The following RYR1 variants were observed in gnomAD, a reference collection of about 807,000 sequenced individuals.
RYR1 encodes the protein ryanodine receptor 1.
Under a neutral mutation model 583.5 loss-of-function variants are expected in RYR1, and 342 were observed. The observed-to-expected ratio is 0.59, with a 90% CI of 0.54 to 0.64. The LOEUF (loss-of-function observed/expected upper bound fraction) is 0.64. RYR1 is among the 30% of genes least tolerant of loss of function. The probability of loss-of-function intolerance (pLI) is 0.00; values close to 1 mark genes in which losing one functional copy is unlikely to be tolerated. For synonymous variants in RYR1, 2,791 were observed against 2,822.5 expected (o/e 0.99, Z 0.35); for missense variants, 6,032 against 6,917.2 (o/e 0.87, Z 4.54).
chr19:38,488,182 C>G (rs999897241), intron 34 of RYR1, among the ~76,000 whole-genome samples: 1 of 152,004 alleles, frequency 6.6e-6, no homozygotes, highest in African/African-American at 2.4e-5. Flanking sequence ...CATGGCTATT[C>G]ACTAATTTAT....
At chr19:38,501,339 A>G (rs1247469135) in intron 47 of RYR1, among the ~76,000 whole-genome samples, 1 of 152,140 alleles carries the variant, frequency 6.6e-6, no homozygotes, top group Non-Finnish European at 1.5e-5. Flanking sequence ...CTCTACTAAA[A>G]GTACAAAAAT....
At chr19:38,579,921 T>G in intron 99 of RYR1, 61 bp from the exon 100 acceptor site, 1 of 1,611,532 alleles carries the variant, frequency 6.2e-7, no homozygotes, top group Non-Finnish European at 8.5e-7. Flanking sequence ...GCCCCTACCC[T>G]CCAGAGTGCT....
At chr19:38,437,988 T>TAA (rs11452334) in intron 1 of RYR1, among the ~76,000 whole-genome samples, 125 of 140,012 alleles carry the variant, frequency 8.9e-4, no homozygotes, top group Middle Eastern at 3.5e-3. Flanking sequence ...CCCAGTCTCT[T>TAA]AAAAAAAAAA....
At chr19:38,504,537 T>C (rs1600843682) in intron 50 of RYR1, among the ~76,000 whole-genome samples, 177 bp downstream of exon 50, 1 of 151,772 alleles carries the variant, frequency 6.6e-6, no homozygotes. Flanking sequence ...AAAGAGGGGG[T>C]GGACCTCTAG....
rs1969140105 is a variant in RYR1, at chr19:38,483,818, G to A, written c.4934+302G>A. On this transcript the variant is annotated intron_variant, in intron 33 of 105. Coordinates refer to ENST00000359596, the MANE Select transcript of RYR1 (RefSeq NM_000540.3). This position sits in a 1 kb window ranked among gnomAD's most constrained non-coding sequence, Gnocchi z 6.3. ...CCACAGGGCCCCAAACCCATCTCAG[G>A]GAGCCAGACCCACATCAACACCCCA... 6.6e-6 allele frequency among the ~76,000 whole-genome samples: 1 copy of A among 151,820 alleles called. No individual in the cohort carries two copies. Among genetic ancestry groups the A allele is most frequent in the Non-Finnish European group, 1.5e-5 (1 of 67,922 alleles).
chr19:38,585,242 G>C lies in RYR1; in HGVS notation c.14803+143G>C, dbSNP rs1974421573. The stretch of plus-strand genomic sequence containing the variant: ...GAGACCTTGGGCAAGTCACCTCTCG[G>C]GGCCTCCGTTTCTCCATCTGCAAAA... On this transcript the variant is annotated intron_variant, in intron 102 of 105. Transcript: ENST00000359596. 9.1e-6 allele frequency: 9 copies of C among 984,772 alleles called. 1 individual carries two copies. The South Asian group carries it at 1.2e-4, about 14-fold the overall frequency. The allele number at this position is 984,772 out of a possible 1,614,324, so 61.0% of individuals were successfully genotyped here.
Position 38,543,287 on chromosome 19 carries a change from C to G in RYR1, c.11690-60C>G, listed in dbSNP as rs1002738669. On this transcript the variant is annotated intron_variant, in intron 84 of 105. Coordinates refer to ENST00000359596, the MANE Select transcript of RYR1 (RefSeq NM_000540.3). The surrounding 1 kb of genome is among the most constrained non-coding windows in gnomAD (Gnocchi z 4.4). Reference sequence around the variant, plus strand: ...GTATTGCATAAATGAATAAATGACCCACTGTTCATCTCCCCTAGCACATGG... The same window carrying G: ...GTATTGCATAAATGAATAAATGACCGACTGTTCATCTCCCCTAGCACATGG... 4 of 1,403,612 alleles carry G rather than the reference C, an allele frequency of 2.8e-6. No homozygotes were observed. The African/African-American group carries it at 5.7e-5, about 20-fold the overall frequency. The allele number at this position is 1,403,612 out of a possible 1,614,324, so 86.9% of individuals were successfully genotyped here.
rs1455863679 is a variant in RYR1, at chr19:38,485,702, G to A, written c.5047G>A (p.Ala1683Thr). 8 of 1,611,354 alleles carry A rather than the reference G, an allele frequency of 5.0e-6. No homozygotes were observed. The highest frequency in any genetic ancestry group is 5.9e-6 in the Non-Finnish European group (7 of 1,179,848). ...CALGNNRVAH[A>T]LCSHVDQAQL... ...CCTGGGCAACAATCGCGTGGCGCAC[G>A]CTCTGTGCAGCCACGTAGACCAAGC... The change falls in exon 34 of 106, where the codon GCT (alanine) becomes ACT (threonine). Residue 1683 changes from alanine to threonine, a missense_variant. Transcript: ENST00000359596.
chr19:38,448,310 G>C, intron 9 of RYR1, 45 bp from the exon 10 acceptor site: 1 of 1,591,960 alleles, frequency 6.3e-7, no homozygotes, highest in Non-Finnish European at 8.5e-7. Flanking sequence ...GTCCATGGGA[G>C]AACTGGGGGG....
chr19:38,525,607 T>G, intron 71 of RYR1, 105 bp downstream of exon 71: 2 of 1,256,944 alleles, frequency 1.6e-6, no homozygotes, highest in Non-Finnish European at 2.3e-6. Context: ...GCCCCCCAGG[T>G]CCCTGGGAGC....
At chr19:38,582,826 G>T (rs1484804470) in intron 101 of RYR1, among the ~76,000 whole-genome samples, 1 of 152,166 alleles carries the variant, frequency 6.6e-6, no homozygotes, top group Non-Finnish European at 1.5e-5. Flanking sequence ...AAGATGTCCT[G>T]CAGTCTGGCT....
In RYR1 at chr19:38,585,249, C is replaced by T. The variant is rs552259954; in HGVS notation, c.14803+150C>T. On this transcript the variant is annotated intron_variant, in intron 102 of 105. Coordinates refer to ENST00000359596, the MANE Select transcript of RYR1 (RefSeq NM_000540.3). ...TGGGCAAGTCACCTCTCGGGGCCTC[C>T]GTTTCTCCATCTGCAAAACGAGGGT... 2.5e-5 allele frequency: 23 copies of T among 917,624 alleles called. No individual in the cohort carries two copies. The Admixed American group carries it at 2.6e-4, about 11-fold the overall frequency. The allele number at this position is 917,624 out of a possible 1,614,324, so 56.8% of individuals were successfully genotyped here. A position where few individuals can be genotyped will look rare whatever the true frequency, so the allele number is the denominator to read the frequency against.
intron 63 of RYR1, among the ~76,000 whole-genome samples, chr19:38,513,763 A>G (rs1033541487): frequency 4.0e-5 from 6 of 151,894 alleles, no homozygotes; most frequent in South Asian, 2.1e-4. Flanking sequence ...ATTGTTAACA[A>G]TTTGCCCTGT....
At chr19:38,551,025 C>CCTTT in intron 89 of RYR1, among the ~76,000 whole-genome samples, 1 of 41,312 alleles carries the variant, frequency 2.4e-5, no homozygotes, top group Non-Finnish European at 4.6e-5. Flanking sequence ...GGATTCACGG[C>CCTTT]TTTTTTTTTT....
rs778346439 is a variant in RYR1, at chr19:38,528,390, C to T, written c.10909C>T (p.Arg3637Cys). The T allele has an allele frequency of 3.7e-6, 6 of 1,614,142 alleles. No homozygotes were observed. Among genetic ancestry groups the T allele is most frequent in the African/African-American group, 1.3e-5 (1 of 75,018 alleles). The change falls in exon 74 of 106, where the codon CGT (arginine) becomes TGT (cysteine). Residue 3637 changes from arginine (R) to cysteine (C), a missense_variant. Transcript: ENST00000359596. ...QRRRAVVACF[R>C]MTPLYNLPTH... Reference sequence around the variant, plus strand: ...CCGGCGGGCAGTCGTGGCCTGTTTCCGTATGACGCCCCTGTACAACCTGCC... The same window carrying T: ...CCGGCGGGCAGTCGTGGCCTGTTTCTGTATGACGCCCCTGTACAACCTGCC...
At chr19:38,567,734 C>T in intron 92 of RYR1, 39 bp from the exon 93 acceptor site, 2 of 1,614,124 alleles carry the variant, frequency 1.2e-6, no homozygotes, top group Non-Finnish European at 1.7e-6. Context: ...GCATTGCCTG[C>T]CCAGGCACCT....
rs2960324 is a variant in RYR1 at position 38,501,249 on chromosome 19, C to T, written c.7614+259C>T. ...GCGTGGTGACTCGCGCCTGTAATCC[C>T]AGCACTTTGGGGAGCCGAGGCGAGC... is the stretch of plus-strand genomic sequence containing the variant. On this transcript the variant is annotated intron_variant, in intron 47 of 105. Transcript: ENST00000359596. Among the ~76,000 whole-genome samples, 24,942 of 152,098 alleles carry T rather than the reference C, an allele frequency of 0.16. 2,593 individuals carry two copies. Among genetic ancestry groups the T allele is most frequent in the African/African-American group, 0.28 (11,716 of 41,450 alleles).
At chr19:38,507,682 G>C (rs1387779666) in intron 57 of RYR1, 30 bp from the exon 58 acceptor site, 8 of 1,400,172 alleles carry the variant, frequency 5.7e-6, no homozygotes, top group Non-Finnish European at 8.1e-6. Context: ...CGGCGTCTGG[G>C]CTGATCCTTC....
chr19:38,518,422 AAG>A (rs891475468), intron 66 of RYR1, among the ~76,000 whole-genome samples: 2 of 148,182 alleles, frequency 1.3e-5, no homozygotes, highest in African/African-American at 2.5e-5. Flanking sequence ...AAAAAAAAAA[AAG>A]AAATATTTGT....
Sources: gnomAD v4.1 joint callset for allele counts (sites outside exome capture counted in the v4.1 genomes callset) on GRCh38, gnomAD v4.1.1 for gene constraint, Gnocchi (gnomAD v3.1) non-coding constraint, MANE v1.5 for transcripts, NCBI Gene and HGNC (gene_info 2026-07-23, HGNC 2026-07-21) for gene names.